ZCCHC12: variants seen among roughly 807,000 people sequenced by gnomAD.
The protein encoded by ZCCHC12 is zinc finger CCHC domain-containing protein 12.
For synonymous variants in ZCCHC12, 128 were observed against 123.2 expected (o/e 1.04, Z -0.26); for missense variants, 317 against 323.4 (o/e 0.98, Z 0.15).
intron 1 of ZCCHC12, 47 bp from the exon 2 acceptor site, chrX:118,824,292 A>C (rs1334392860): frequency 1.8e-5 from 2 of 110,724 alleles, no homozygotes; most frequent in Non-Finnish European, 3.8e-5. Flanking sequence ...TCTGGGAGGA[A>C]TATGTGGGTG....
In ZCCHC12 at chrX:118,826,515, TGGGGTG is replaced by T. The variant is rs376574291; in HGVS notation, c.*77_*82del. On this transcript the variant is annotated 3_prime_UTR_variant, in exon 4 of 4. Transcript: ENST00000310164. The stretch of plus-strand genomic sequence containing the variant: ...ATTCAGCATCCAGTAGTGGGAAAAC[TGGGGTG>T]GGGGTGGGGGTGGGACTTCTAACTG... 0.012 allele frequency: 5,907 copies of T among 484,326 alleles called. 346 individuals carry two copies. Among genetic ancestry groups the T allele is most frequent in the Middle Eastern group, 0.059 (86 of 1,463 alleles). The allele number at this position is 484,326 out of a possible 1,213,427, so 39.9% of individuals were successfully genotyped here.
chrX:118,825,131 C>T lies in ZCCHC12; in HGVS notation c.-114C>T. ...ACCAGCCCCCCTTTCTTTTTTACAG[C>T]CCCTGCTGAGATAGGAAGGCAGAGC... On this transcript the variant is annotated splice_region_variant and 5_prime_UTR_variant, in exon 4 of 4. Transcript: ENST00000310164. The T allele has an allele frequency of 9.6e-7, 1 of 1,041,217 alleles. No homozygotes were observed. The highest frequency in any genetic ancestry group is 3.0e-5 in the East Asian group (1 of 33,044). 85.8% of individuals were successfully genotyped at this position (1,041,217 alleles called of 1,213,427 possible).
chrX:118,824,452 T>C (rs2018227109), intron 2 of ZCCHC12, 62 bp downstream of exon 2: 1 of 105,309 alleles, frequency 9.5e-6, no homozygotes, highest in African/African-American at 3.5e-5. Context: ...GTCTCTGGCT[T>C]ATAGTCAGGA....
chrX:118,826,698 C>A lies in ZCCHC12; in HGVS notation c.*245C>A. ...TTTCTGTGTGTGCCCATTTCCTTGACAGCTTTATTCTTTGTGAAAGTGGTA... is the reference window on the plus strand; with the variant it reads ...TTTCTGTGTGTGCCCATTTCCTTGAAAGCTTTATTCTTTGTGAAAGTGGTA... On this transcript the variant is annotated 3_prime_UTR_variant, in exon 4 of 4. Transcript: ENST00000310164. The A allele has an allele frequency of 2.4e-6, 1 of 408,434 alleles. No individual in the cohort carries two copies. The highest frequency in any genetic ancestry group is 4.4e-6 in the Non-Finnish European group (1 of 229,763). 33.7% of individuals were successfully genotyped at this position (408,434 alleles called of 1,213,427 possible).
Position 118,824,589 on chromosome X carries a change from G to A in ZCCHC12, c.-239G>A, listed in dbSNP as rs985106627. 1 of 111,131 alleles carries A rather than the reference G, an allele frequency of 9.0e-6. No homozygotes were observed. Among genetic ancestry groups the A allele is most frequent in the Non-Finnish European group, 1.9e-5 (1 of 53,163 alleles). 9.2% of individuals were successfully genotyped at this position (111,131 alleles called of 1,213,427 possible). A position where few individuals can be genotyped will look rare whatever the true frequency, so the allele number is the denominator to read the frequency against. On this transcript the variant is annotated splice_region_variant and 5_prime_UTR_variant, in exon 3 of 4. Transcript: ENST00000310164. ...TGTGGCGCAATCTTGAAACCTCAAG[G>A]ACCCGGATCTGCGACCCCCTGTGGA...
Position 118,823,834 on chromosome X carries a change from C to T in ZCCHC12, c.-463C>T, listed in dbSNP as rs780223107. The T allele has an allele frequency of 3.5e-5, 4 of 113,407 alleles. No homozygotes were observed. The highest frequency in any genetic ancestry group is 9.6e-5 in the African/African-American group (3 of 31,357). 9.3% of individuals were successfully genotyped at this position (113,407 alleles called of 1,213,427 possible). On this transcript the variant is annotated 5_prime_UTR_variant, in exon 1 of 4. Coordinates refer to ENST00000310164, the MANE Select transcript of ZCCHC12 (RefSeq NM_173798.4). The stretch of plus-strand genomic sequence containing the variant: ...GGCTGCCTTAGGAACGGCGCTGCCT[C>T]GTCTCTGCTACCCCTGGTTGGGCGG...
At position 118,826,611 on chromosome X, in the gene ZCCHC12, C is replaced by T. The variant is rs2018260546; in HGVS notation, c.*158C>T. 1.4e-6 allele frequency: 1 copy of T among 700,580 alleles called. No individual in the cohort carries two copies. Among genetic ancestry groups the T allele is most frequent in the Non-Finnish European group, 2.2e-6 (1 of 462,195 alleles). The allele number at this position is 700,580 out of a possible 1,213,427, so 57.7% of individuals were successfully genotyped here. A position where few individuals can be genotyped will look rare whatever the true frequency, so the allele number is the denominator to read the frequency against. ...GTAGAAAGGGTCTTGGATACCAGCA[C>T]ATTGGAGGGAGATAGCCTGACCTCT... On this transcript the variant is annotated 3_prime_UTR_variant, in exon 4 of 4. Coordinates refer to ENST00000310164, the MANE Select transcript of ZCCHC12 (RefSeq NM_173798.4).
Position 118,826,206 on chromosome X carries a change from C to T in ZCCHC12, c.962C>T (p.Thr321Ile). The T allele has an allele frequency of 8.3e-7, 1 of 1,211,683 alleles. No homozygotes were observed. Among genetic ancestry groups the T allele is most frequent in the Admixed American group, 2.2e-5 (1 of 46,007 alleles). Residue 321 changes from threonine (T) to isoleucine (I), a missense_variant, in exon 4 of 4, where the codon ACC becomes ATC. Coordinates refer to ENST00000310164, the MANE Select transcript of ZCCHC12 (RefSeq NM_173798.4). ...AATTCCAGGGCTCAGTTTCCTTCCACCAGTGGTGGTTCTGGCTATAAGAAT... is the reference window on the plus strand; with the variant it reads ...AATTCCAGGGCTCAGTTTCCTTCCATCAGTGGTGGTTCTGGCTATAAGAAT... Reference protein sequence around the residue: ...PHNSRAQFPSTSGGSGYKNNG... With the variant: ...PHNSRAQFPSISGGSGYKNNG...
chrX:118,826,338 A>G lies in ZCCHC12; in HGVS notation c.1094A>G (p.Asp365Gly). The G allele has an allele frequency of 8.3e-7, 1 of 1,211,933 alleles. No individual in the cohort carries two copies. The highest frequency in any genetic ancestry group is 1.1e-6 in the Non-Finnish European group (1 of 895,579). ...HSKETCDNES[D>G]KAQVFENLII... ...AAAGAAACCTGTGACAACGAGAGTG[A>G]CAAGGCCCAGGTTTTTGAGAATTTG... Residue 365 changes from aspartate (D) to glycine (G), a missense_variant, in exon 4 of 4, where the codon GAC becomes GGC. By Grantham distance (94) the Asp-to-Gly change is moderately conservative. Transcript: ENST00000310164.
chrX:118,825,391 G>A lies in ZCCHC12; in HGVS notation c.147G>A (p.Ser49=). ...CAGACAGAAACATGAAGTTGTTCTC[G>A]GGGAGGGTGGTGCCAGCCCAAGGGG... ...SMADRNMKLF[S]GRVVPAQGEE... Residue 49 remains serine, a synonymous_variant, in exon 4 of 4, where the codon TCG becomes TCA. Transcript: ENST00000310164. 2.5e-6 allele frequency: 3 copies of A among 1,210,754 alleles called. No homozygotes were observed. The highest frequency in any genetic ancestry group is 3.5e-5 in the South Asian group (2 of 56,865).
Position 118,826,144 on chromosome X carries a change from A to T in ZCCHC12, c.900A>T (p.Arg300Ser). The T allele has an allele frequency of 8.3e-7, 1 of 1,211,532 alleles. No individual in the cohort carries two copies. The highest frequency in any genetic ancestry group is 1.1e-6 in the Non-Finnish European group (1 of 895,456). ...CCCCTCCCCTCAGAGACAGGGCCAG[A>T]CCTCAGGATGAAGTGCTGGTCATTG... ...WGAPPLRDRA[R>S]PQDEVLVIDS... Residue 300 changes from arginine to serine, a missense_variant, in exon 4 of 4, where the codon AGA becomes AGT. Arg to Ser is a moderately radical substitution (Grantham distance 110, BLOSUM62 -1). Coordinates refer to ENST00000310164, the MANE Select transcript of ZCCHC12 (RefSeq NM_173798.4).
chrX:118,825,111 C>T lies in ZCCHC12; in HGVS notation c.-114-20C>T, dbSNP rs2147426699. 2 of 838,037 alleles carry T rather than the reference C, an allele frequency of 2.4e-6. No individual in the cohort carries two copies. Among genetic ancestry groups the T allele is most frequent in the East Asian group, 3.2e-5 (1 of 31,561 alleles). 69.1% of individuals were successfully genotyped at this position (838,037 alleles called of 1,213,427 possible). The stretch of plus-strand genomic sequence containing the variant: ...TGCAGCCCGCTCCCTTATTAACCAG[C>T]CCCCCTTTCTTTTTTACAGCCCCTG... On this transcript the variant is annotated intron_variant, in intron 3 of 3. Coordinates refer to ENST00000310164, the MANE Select transcript of ZCCHC12 (RefSeq NM_173798.4).
At chrX:118,825,091 C>A (rs2018233925) in intron 3 of ZCCHC12, 40 bp from the exon 4 acceptor site, 7 of 653,404 alleles carry the variant, frequency 1.1e-5, no homozygotes, top group African/African-American at 2.2e-5. Context: ...GCAGCTGCAG[C>A]CCGCTCCCTT....
chrX:118,825,518 G>A lies in ZCCHC12; in HGVS notation c.274G>A (p.Gly92Ser). 1 of 1,211,841 alleles carries A rather than the reference G, an allele frequency of 8.3e-7. No individual in the cohort carries two copies. The highest frequency in any genetic ancestry group is 1.1e-6 in the Non-Finnish European group (1 of 895,556). The change falls in exon 4 of 4, where the codon GGC (glycine) becomes AGC (serine). Residue 92 changes from glycine to serine, a missense_variant. Gly to Ser is a moderately conservative substitution (Grantham distance 56). Transcript: ENST00000310164. The part of the protein sequence containing the change: ...KLKRLMKTLR[G>S]PAREVMRVLQ... ...CAAGCGCTTGATGAAAACCCTTAGGGGCCCTGCCCGCGAGGTCATGCGTGT... is the reference window on the plus strand; with the variant it reads ...CAAGCGCTTGATGAAAACCCTTAGGAGCCCTGCCCGCGAGGTCATGCGTGT...
rs749293943 is a variant in ZCCHC12, at chrX:118,826,958, A to G, written c.*505A>G. 149 of 133,840 alleles carry G rather than the reference A, an allele frequency of 1.1e-3. No homozygotes were observed. The highest frequency in any genetic ancestry group is 2.1e-3 in the Non-Finnish European group (123 of 59,260). 11.0% of individuals were successfully genotyped at this position (133,840 alleles called of 1,213,427 possible). A position where few individuals can be genotyped will look rare whatever the true frequency, so the allele number is the denominator to read the frequency against. On this transcript the variant is annotated 3_prime_UTR_variant, in exon 4 of 4. Transcript: ENST00000310164. Reference sequence around the variant, plus strand: ...TGTGAGCTTCTATGTCAATAAATATATATATCAGCATCTGCCTTAATGTGT... The same window carrying G: ...TGTGAGCTTCTATGTCAATAAATATGTATATCAGCATCTGCCTTAATGTGT...
At position 118,826,529 on chromosome X, in the gene ZCCHC12, G is replaced by T; in HGVS notation, c.*76G>T. The T allele has an allele frequency of 9.6e-7, 1 of 1,041,045 alleles. No homozygotes were observed. Among genetic ancestry groups the T allele is most frequent in the Non-Finnish European group, 1.3e-6 (1 of 762,733 alleles). The allele number at this position is 1,041,045 out of a possible 1,213,427, so 85.8% of individuals were successfully genotyped here. ...AGTGGGAAAACTGGGGTGGGGGTGG[G>T]GGTGGGACTTCTAACTGCATGAATT... On this transcript the variant is annotated 3_prime_UTR_variant, in exon 4 of 4. Coordinates refer to ENST00000310164, the MANE Select transcript of ZCCHC12 (RefSeq NM_173798.4).
At position 118,826,212 on chromosome X, in the gene ZCCHC12, G is replaced by A. The variant is rs201387636; in HGVS notation, c.968G>A (p.Gly323Asp). ...AGGGCTCAGTTTCCTTCCACCAGTG[G>A]TGGTTCTGGCTATAAGAATAACGGT... ...NSRAQFPSTS[G>D]GSGYKNNGPG... Residue 323 changes from glycine to aspartate, a missense_variant, in exon 4 of 4, where the codon GGT (glycine) becomes GAT (aspartate). Coordinates refer to ENST00000310164, the MANE Select transcript of ZCCHC12 (RefSeq NM_173798.4). 8.3e-6 allele frequency: 10 copies of A among 1,209,725 alleles called. No homozygotes were observed. The East Asian group carries it at 3.0e-4, about 36-fold the overall frequency.
chrX:118,825,737 A>G lies in ZCCHC12; in HGVS notation c.493A>G (p.Ile165Val), dbSNP rs763044017. Residue 165 changes from isoleucine to valine, a missense_variant, in exon 4 of 4, where the codon ATA (isoleucine) becomes GTA (valine). Coordinates refer to ENST00000310164, the MANE Select transcript of ZCCHC12 (RefSeq NM_173798.4). ...CCAGAACGCTATTCAGGCAGGCATT[A>G]TAGCTGAGAAAGATGCAAACCGGAC... ...QLQNAIQAGI[I>V]AEKDANRTRL... 4.1e-6 allele frequency: 5 copies of G among 1,211,759 alleles called. No homozygotes were observed. In the East Asian group the frequency reaches 1.5e-4, roughly 36 times the overall value.
rs1358116727 is a variant in ZCCHC12 at position 118,823,901 on chromosome X, C to A, written c.-396C>A. Reference sequence around the variant, plus strand: ...CTTCGGGCAGCCCCGGGTCGCTTAGCGGCCAAGGAGGCTTCAGTTCTTTGC... The same window carrying A: ...CTTCGGGCAGCCCCGGGTCGCTTAGAGGCCAAGGAGGCTTCAGTTCTTTGC... On this transcript the variant is annotated 5_prime_UTR_variant, in exon 1 of 4. Coordinates refer to ENST00000310164, the MANE Select transcript of ZCCHC12 (RefSeq NM_173798.4). 1 of 113,448 alleles carries A rather than the reference C, an allele frequency of 8.8e-6. No homozygotes were observed. The highest frequency in any genetic ancestry group is 3.2e-5 in the African/African-American group (1 of 31,299). 9.3% of individuals were successfully genotyped at this position (113,448 alleles called of 1,213,427 possible).
Sources: allele counts gnomAD v4.1 joint callset, GRCh38; gene constraint gnomAD v4.1.1; transcripts MANE v1.5; gene names NCBI Gene and HGNC (gene_info 2026-07-23, HGNC 2026-07-21).